Variants in HERC5 observed in about 807,000 individuals in gnomAD.
HERC5 encodes HECT and RLD domain containing E3 ubiquitin protein ligase 5.
A neutral mutation model predicts 119.6 loss-of-function variants in HERC5; 99 were observed. The observed-to-expected ratio is 0.83, with a 90% CI of 0.70 to 0.98. The LOEUF is 0.98. Ranked by LOEUF, HERC5 falls within the 50% of genes least tolerant of loss-of-function variation. HERC5 has a pLI of 0.00. For missense variants in HERC5, 1,267 were observed against 1,241.3 expected (o/e 1.02, Z -0.31); for synonymous variants, 478 against 445.9 (o/e 1.07, Z -0.91).
intron 16 of HERC5, among the ~76,000 whole-genome samples, chr4:88,491,659 G>T (rs1219905606): frequency 1.3e-5 from 2 of 152,152 alleles, no homozygotes; most frequent in Non-Finnish European, 2.9e-5. Flanking sequence ...TGTTCTTCTT[G>T]GAGAGACCCA....
At chr4:88,483,730 C>T (rs906991624) in intron 13 of HERC5, among the ~76,000 whole-genome samples, 29 of 151,708 alleles carry the variant, frequency 1.9e-4, no homozygotes, top group Admixed American at 6.6e-5. Flanking sequence ...GGTTTCACCA[C>T]ATTGCCCAGG....
intron 13 of HERC5, among the ~76,000 whole-genome samples, chr4:88,481,148 G>A (rs1297861901): frequency 1.3e-5 from 2 of 152,154 alleles, no homozygotes; most frequent in Non-Finnish European, 2.9e-5. Flanking sequence ...TGCCTCCCAG[G>A]CTCCTGTGAT....
chr4:88,472,344 C>G (rs1740903408), intron 10 of HERC5, 65 bp from the exon 11 acceptor site: 1 of 903,736 alleles, frequency 1.1e-6, no homozygotes. Context: ...GGGGCAAGCT[C>G]TAGAAGAAAC....
At chr4:88,492,812 A>G (rs1741688069) in intron 16 of HERC5, among the ~76,000 whole-genome samples, 200 bp from the exon 17 acceptor site, 1 of 152,180 alleles carries the variant, frequency 6.6e-6, no homozygotes, top group African/African-American at 2.4e-5. Context: ...TGGAAAAGTT[A>G]TTTAAATTCT....
chr4:88,467,178 T>C lies in HERC5; in HGVS notation c.1031T>C (p.Val344Ala). Residue 344 changes from valine to alanine, a missense_variant, in exon 7 of 23, where the codon GTA becomes GCA. Around this residue, in one of 3 missense-constraint regions of HERC5, gnomAD observed 777 missense variants for 758.0 expected, o/e 1.03. Transcript: ENST00000264350. ...CAGCTGATGCCGCTTCCAGTGAAAG[T>C]ATCATCAAGTGAAGAACTCAAACTT... ...RDQLMPLPVKVSSSEELKLES... is the reference protein window; with the variant it reads ...RDQLMPLPVKASSSEELKLES... 6.2e-7 allele frequency: 1 copy of C among 1,614,164 alleles called. No homozygotes were observed. Among genetic ancestry groups the C allele is most frequent in the South Asian group, 1.1e-5 (1 of 91,072 alleles).
chr4:88,477,683 G>A (rs113417210), intron 12 of HERC5, among the ~76,000 whole-genome samples: 158 of 152,198 alleles, frequency 1.0e-3, no homozygotes, highest in African/African-American at 3.6e-3. Flanking sequence ...CATCCAGATA[G>A]TCTGACCGTT....
intron 8 of HERC5, 80 bp from the exon 9 acceptor site, chr4:88,469,077 C>G (rs1740775041): frequency 2.4e-6 from 2 of 821,324 alleles, no homozygotes; most frequent in Non-Finnish European, 4.1e-6. Context: ...CAGTTTTACT[C>G]TCTAGAGTGT....
intron 13 of HERC5, among the ~76,000 whole-genome samples, chr4:88,483,521 T>G (rs1458424873): frequency 7.4e-6 from 1 of 134,444 alleles, no homozygotes; most frequent in African/African-American, 2.9e-5. Flanking sequence ...TCTATAGGCT[T>G]TTTTTTTTTT....
At chr4:88,493,208 T>C in intron 17 of HERC5, 53 bp downstream of exon 17, 4 of 1,529,242 alleles carry the variant, frequency 2.6e-6, no homozygotes, top group Non-Finnish European at 3.6e-6. Context: ...AAGTACACCA[T>C]ATACCATAGA....
intron 13 of HERC5, among the ~76,000 whole-genome samples, chr4:88,481,481 G>T (rs1289499654): frequency 6.6e-6 from 1 of 151,994 alleles, no homozygotes; most frequent in East Asian, 1.9e-4. Flanking sequence ...GGTGTTTTTT[G>T]ACAAACTCAC....
intron 20 of HERC5, among the ~76,000 whole-genome samples, chr4:88,501,634 G>A (rs1741950935): frequency 6.6e-6 from 1 of 151,924 alleles, no homozygotes; most frequent in South Asian, 2.1e-4. Context: ...ACTTTGTATT[G>A]AAGTATAACC....
intron 16 of HERC5, among the ~76,000 whole-genome samples, chr4:88,490,050 G>A (rs1016289901): frequency 1.3e-5 from 2 of 152,110 alleles, no homozygotes; most frequent in African/African-American, 4.8e-5. Context: ...TTGTAGAAAA[G>A]AGAATTTTCT....
chr4:88,500,042 C>A, intron 19 of HERC5, 50 bp downstream of exon 19: 3 of 1,114,952 alleles, frequency 2.7e-6, no homozygotes, highest in Non-Finnish European at 4.0e-6. Flanking sequence ...CTGATTAACC[C>A]TTTACATATT....
At chr4:88,487,940 A>G (rs1741520117) in intron 15 of HERC5, among the ~76,000 whole-genome samples, 1 of 152,200 alleles carries the variant, frequency 6.6e-6, no homozygotes, top group Non-Finnish European at 1.5e-5. Context: ...ACTTTTACAT[A>G]TGCAGACATA....
At chr4:88,459,237 T>C (rs1286439419) in intron 1 of HERC5, 110 bp from the exon 2 acceptor site, 3 of 889,320 alleles carry the variant, frequency 3.4e-6, no homozygotes, top group Non-Finnish European at 4.8e-6. Context: ...AAGTCAAAGC[T>C]TGTCTAGTTG....
Position 88,472,391 on chromosome 4 carries a change from T to C in HERC5, c.1299-18T>C. ...GGAGATAATCTAACAAAATACTTAA[T>C]TTATCTTTCTTCTACAGAAGAACTA... On this transcript the variant is annotated intron_variant, in intron 10 of 22. Coordinates refer to ENST00000264350, the MANE Select transcript of HERC5 (RefSeq NM_016323.4). The C allele has an allele frequency of 1.4e-6, 2 of 1,408,042 alleles. No homozygotes were observed. Among genetic ancestry groups the C allele is most frequent in the Non-Finnish European group, 2.0e-6 (2 of 1,005,490 alleles). The allele number at this position is 1,408,042 out of a possible 1,614,324, so 87.2% of individuals were successfully genotyped here.
chr4:88,501,953 C>T (rs1741959312), intron 20 of HERC5, among the ~76,000 whole-genome samples: 1 of 152,156 alleles, frequency 6.6e-6, no homozygotes. Flanking sequence ...CGCCCGCCAC[C>T]ACGCCCAACT....
intron 17 of HERC5, 24 bp from the exon 18 acceptor site, chr4:88,494,141 T>G (rs748693566): frequency 6.5e-7 from 1 of 1,532,164 alleles, no homozygotes; most frequent in Non-Finnish European, 8.9e-7. Flanking sequence ...CATAATACTT[T>G]AAGATTTTTT....
chr4:88,489,346 A>G lies in HERC5; in HGVS notation c.2133+10A>G. The G allele has an allele frequency of 6.3e-7, 1 of 1,590,128 alleles. No individual in the cohort carries two copies. The highest frequency in any genetic ancestry group is 8.5e-7 in the Non-Finnish European group (1 of 1,170,316). On this transcript the variant is annotated intron_variant, in intron 16 of 22. Coordinates refer to ENST00000264350, the MANE Select transcript of HERC5 (RefSeq NM_016323.4). ...GAGGAAAGAGTTATGGGTAAGGTGTAATTCTCACTTAATGTTTTTGCTGCT... is the reference window on the plus strand; with the variant it reads ...GAGGAAAGAGTTATGGGTAAGGTGTGATTCTCACTTAATGTTTTTGCTGCT...
Sources: allele counts gnomAD v4.1 joint callset (sites outside exome capture counted in the v4.1 genomes callset), GRCh38; gene constraint gnomAD v4.1.1; regional missense constraint gnomAD v4.1.1; transcripts MANE v1.5; gene names NCBI Gene and HGNC (gene_info 2026-07-23, HGNC 2026-07-21).